The following ANO3 variants were observed in gnomAD, a reference collection of about 807,000 sequenced individuals.
ANO3 encodes anoctamin-3.
Under a neutral mutation model 144.8 loss-of-function variants are expected in ANO3, and 99 were observed. The ratio of observed to expected loss-of-function variants is 0.68; its 90% CI spans 0.58 to 0.81. The LOEUF is 0.81. ANO3 is among the 30% of genes least tolerant of loss of function. The pLI, the probability that ANO3 is intolerant of heterozygous loss-of-function variation, is 0.00. For missense variants in ANO3, 905 were observed against 1,202.2 expected, an observed-to-expected ratio of 0.75 and a Z score of 3.66; for synonymous variants, 414 against 392.6, an observed-to-expected ratio of 1.05 and a Z score of -0.64.
chr11:26,652,018 A>C lies in ANO3; in HGVS notation c.2577-4107A>C, dbSNP rs1369643697. Among the ~76,000 whole-genome samples, 2 of 152,174 alleles carry C rather than the reference A, an allele frequency of 1.3e-5. 1 individual carries two copies. Among genetic ancestry groups the C allele is most frequent in the Non-Finnish European group, 2.9e-5 (2 of 68,030 alleles). On this transcript the variant is annotated intron_variant, in intron 24 of 26. Transcript: ENST00000256737. ...TAACCATCTTACAAACCAGTTGCCC[A>C]ATCACCGTAACCACTTCCTTGGATA...
At chr11:26,559,480 A>T (rs559506083) in intron 13 of ANO3, 4 of 446,368 alleles carry the variant, frequency 9.0e-6, no homozygotes, top group African/African-American at 7.9e-5. Context: ...ATGGTGGGGT[A>T]TAAAGGGAAT....
In ANO3 at chr11:26,463,130, C is replaced by A. The variant is rs777573696; in HGVS notation, c.414C>A (p.Phe138Leu). Residue 138 changes from phenylalanine to leucine, a missense_variant, in exon 4 of 27, where the codon TTC becomes TTA. Transcript: ENST00000256737. ...NDFVIKDKSEFKTKLSKNDMN... is the reference protein window; with the variant it reads ...NDFVIKDKSELKTKLSKNDMN... ...TTGTTATCAAAGATAAATCTGAATT[C>A]AAGACAAAATTATCTAAGGTAATGA... is the stretch of plus-strand genomic sequence containing the variant. 1.9e-6 allele frequency: 3 copies of A among 1,569,122 alleles called. No individual in the cohort carries two copies. The highest frequency in any genetic ancestry group is 2.3e-5 in the East Asian group (1 of 43,918).
intron 1 of ANO3, among the ~76,000 whole-genome samples, chr11:26,254,542 G>T (rs1590218119): frequency 6.6e-6 from 1 of 152,058 alleles, no homozygotes; most frequent in Non-Finnish European, 1.5e-5. Context: ...TCTGATGCTT[G>T]GGATTAGTCT....
intron 14 of ANO3, among the ~76,000 whole-genome samples, chr11:26,567,352 A>G (rs954729977): frequency 6.6e-6 from 1 of 151,838 alleles, no homozygotes; most frequent in Non-Finnish European, 1.5e-5. Flanking sequence ...AGGAAAAGGG[A>G]GGAGGTACAA....
At chr11:26,288,166 G>T (rs1447129293) in intron 1 of ANO3, among the ~76,000 whole-genome samples, 1 of 152,222 alleles carries the variant, frequency 6.6e-6, no homozygotes, top group Non-Finnish European at 1.5e-5. Context: ...AAGCAGGGTA[G>T]AGTGGAGAGG....
chr11:26,203,418 A>T (rs2133914320), intron 1 of ANO3, among the ~76,000 whole-genome samples: 1 of 152,256 alleles, frequency 6.6e-6, no homozygotes. Context: ...ATTGAATGCA[A>T]GTTTTACATG....
At chr11:26,470,052 G>T (rs1859725537) in intron 4 of ANO3, among the ~76,000 whole-genome samples, 1 of 151,820 alleles carries the variant, frequency 6.6e-6, no homozygotes, top group African/African-American at 2.4e-5. Flanking sequence ...GTACCTAAAG[G>T]TAATTTTGCC....
At chr11:26,215,419 G>A (rs1001810310) in intron 1 of ANO3, among the ~76,000 whole-genome samples, 2 of 151,920 alleles carry the variant, frequency 1.3e-5, no homozygotes, top group Middle Eastern at 3.4e-3. Context: ...AGTTGGCTCC[G>A]TTGTCCCTTT....
At position 26,531,474 on chromosome 11, in the gene ANO3, A is replaced by G. The variant is rs145268939; in HGVS notation, c.869+138A>G. 3 of 989,248 alleles carry G rather than the reference A, an allele frequency of 3.0e-6. No homozygotes were observed. In the East Asian group the frequency reaches 7.8e-5, roughly 26 times the overall value. The allele number at this position is 989,248 out of a possible 1,614,324, so 61.3% of individuals were successfully genotyped here. On this transcript the variant is annotated intron_variant, in intron 8 of 26. Transcript: ENST00000256737. ...TATCATTGTATTAAAATACACACTT[A>G]ACTTATAAACAACACTAAGTGAATG...
chr11:26,478,107 T>G (rs1860055596), intron 4 of ANO3, among the ~76,000 whole-genome samples: 1 of 152,156 alleles, frequency 6.6e-6, no homozygotes, highest in Non-Finnish European at 1.5e-5. Flanking sequence ...AATAGGGGAA[T>G]ATAAAATTGT....
At chr11:26,596,053 A>G (rs558749929) in intron 14 of ANO3, among the ~76,000 whole-genome samples, 1 of 152,380 alleles carries the variant, frequency 6.6e-6, no homozygotes, top group South Asian at 2.1e-4. Context: ...CATTGACAAC[A>G]AGGTAATATT....
chr11:26,560,934 C>G, intron 14 of ANO3: 1 of 880,100 alleles, frequency 1.1e-6, no homozygotes, highest in African/African-American at 1.8e-5. Flanking sequence ...TGCTACTGGT[C>G]TCCTGCTTTT....
chr11:26,317,316 G>A (rs1414332041), intron 1 of ANO3, among the ~76,000 whole-genome samples: 1 of 151,926 alleles, frequency 6.6e-6, no homozygotes, highest in Non-Finnish European at 1.5e-5. Context: ...TCATCAGAGT[G>A]AGCAGGCAAC....
intron 4 of ANO3, among the ~76,000 whole-genome samples, chr11:26,502,468 G>A (rs1861236528): frequency 6.6e-6 from 1 of 152,106 alleles, no homozygotes; most frequent in African/African-American, 2.4e-5. Context: ...CTTAACCAGT[G>A]TGTCATACTA....
chr11:26,196,683 A>G (rs947234512), intron 1 of ANO3, among the ~76,000 whole-genome samples: 1 of 152,120 alleles, frequency 6.6e-6, no homozygotes, highest in Admixed American at 6.5e-5. Flanking sequence ...TCCCTCATAT[A>G]CTTTTATATG....
chr11:26,434,456 G>A (rs1475505035), intron 1 of ANO3, among the ~76,000 whole-genome samples: 1 of 151,956 alleles, frequency 6.6e-6, no homozygotes, highest in Non-Finnish European at 1.5e-5. Flanking sequence ...GTTATTTCTT[G>A]TCTTCTGCTA....
intron 1 of ANO3, among the ~76,000 whole-genome samples, chr11:26,225,538 T>C (rs1040330862): frequency 7.2e-6 from 1 of 139,368 alleles, no homozygotes; most frequent in African/African-American, 2.5e-5. Flanking sequence ...TTGCAATAAC[T>C]TTTTATATAG....
rs1855068875 is a variant in ANO3 at position 26,332,258 on chromosome 11, G to A, written c.-18G>A. ...TCTCGGGCAGCTCCCTAAGCCGGCT[G>A]GGACGCGCAGAGTGAAAATGGTCCA... On this transcript the variant is annotated 5_prime_UTR_variant, in exon 1 of 27. Coordinates refer to ENST00000256737, the MANE Select transcript of ANO3 (RefSeq NM_031418.4). 6.2e-7 allele frequency: 1 copy of A among 1,613,958 alleles called. No homozygotes were observed.
intron 1 of ANO3, among the ~76,000 whole-genome samples, chr11:26,224,172 G>T (rs1318504488): frequency 1.3e-5 from 1 of 75,336 alleles, no homozygotes. Context: ...TGCTCCTCTC[G>T]GTAACCAAGG....
Sources: gnomAD v4.1 joint callset for allele counts (sites outside exome capture counted in the v4.1 genomes callset) on GRCh38, gnomAD v4.1.1 for gene constraint, MANE v1.5 for transcripts, NCBI Gene and HGNC (gene_info 2026-07-23, HGNC 2026-07-21) for gene names.